RBM25: variants seen among roughly 807,000 people sequenced by gnomAD.
RBM25 encodes RNA binding motif protein 25, also known as RNA-binding protein 25.
In RBM25, 19 loss-of-function variants were observed where a neutral mutation model predicts 120.7. The ratio of observed to expected loss-of-function variants is 0.16; its 90% CI spans 0.11 to 0.23. The LOEUF (loss-of-function observed/expected upper bound fraction) is 0.23. Ranked by LOEUF, RBM25 falls within the 10% of genes least tolerant of loss-of-function variation. The pLI is 1.00. For synonymous variants in RBM25, 390 were observed against 326.7 expected (o/e 1.19, Z -2.09); for missense variants, 605 against 1,041.5 (o/e 0.58, Z 5.77).
intron 6 of RBM25, among the ~76,000 whole-genome samples, chr14:73,092,071 G>A (rs1895829546): frequency 6.6e-6 from 1 of 151,968 alleles, no homozygotes; most frequent in Admixed American, 6.6e-5. Context: ...TTCCTTAAGT[G>A]TCAATATTAC....
rs1896509396 is a variant in RBM25 at position 73,119,866 on chromosome 14, G to C, written c.*61G>C. The C allele has an allele frequency of 3.3e-6, 5 of 1,536,890 alleles. No homozygotes were observed. The highest frequency in any genetic ancestry group is 4.3e-6 in the Non-Finnish European group (5 of 1,153,352). ...TCTTTGCCACCCTTTTAAGGACTTTGAATTTTTCTTTGTCTTTGAAGACAT... is the reference window on the plus strand; with the variant it reads ...TCTTTGCCACCCTTTTAAGGACTTTCAATTTTTCTTTGTCTTTGAAGACAT... On this transcript the variant is annotated 3_prime_UTR_variant, in exon 19 of 19. Coordinates refer to ENST00000261973, the MANE Select transcript of RBM25 (RefSeq NM_021239.3).
chr14:73,097,144 TTA>T (rs773734226), intron 7 of RBM25, 44 bp downstream of exon 7: 2 of 1,440,822 alleles, frequency 1.4e-6, no homozygotes, highest in East Asian at 5.0e-5. Context: ...CGTTTGTTTT[TTA>T]TGATATCACT....
intron 4 of RBM25, among the ~76,000 whole-genome samples, chr14:73,080,254 T>C (rs74642282): frequency 0.017 from 2,198 of 127,732 alleles, 92 homozygotes; most frequent in Non-Finnish European, 0.029. Flanking sequence ...GATGGAGTCT[T>C]GCTCTGTCGC....
intron 2 of RBM25, among the ~76,000 whole-genome samples, chr14:73,074,130 A>T (rs1480846522): frequency 6.6e-6 from 1 of 152,334 alleles, no homozygotes; most frequent in South Asian, 2.1e-4. Context: ...AACAACTTTC[A>T]TTTGGGCTTC....
Position 73,076,376 on chromosome 14 carries a change from T to A in RBM25, c.156+8T>A. 3 of 1,605,650 alleles carry A rather than the reference T, an allele frequency of 1.9e-6. No individual in the cohort carries two copies. Among genetic ancestry groups the A allele is most frequent in the Non-Finnish European group, 2.6e-6 (3 of 1,172,408 alleles). On this transcript the variant is annotated splice_region_variant and intron_variant, in intron 3 of 18. Coordinates refer to ENST00000261973, the MANE Select transcript of RBM25 (RefSeq NM_021239.3). Reference sequence around the variant, plus strand: ...ATGGCTCCTGCTCCAACTGTAAGTATAACTTAAAGGAGGAATCATGAGTTA... The same window carrying A: ...ATGGCTCCTGCTCCAACTGTAAGTAAAACTTAAAGGAGGAATCATGAGTTA...
At chr14:73,101,512 G>GTATATATA (rs34658210) in intron 9 of RBM25, 2 of 137,466 alleles carry the variant, frequency 1.5e-5, no homozygotes, top group Admixed American at 1.4e-4. Context: ...ATACATGTGT[G>GTATATATA]TATATATATA....
At chr14:73,092,404 A>G (rs1255684073) in intron 6 of RBM25, among the ~76,000 whole-genome samples, 1 of 152,064 alleles carries the variant, frequency 6.6e-6, no homozygotes, top group African/African-American at 2.4e-5. Context: ...TAAGTAGAGG[A>G]TAGGAGAATG....
chr14:73,061,112 T>TCA (rs1245680464), intron 1 of RBM25, among the ~76,000 whole-genome samples: 8 of 150,232 alleles, frequency 5.3e-5, no homozygotes, highest in African/African-American at 1.7e-4. Flanking sequence ...GGCTGGAGTG[T>TCA]AGTGGCGCGA....
chr14:73,072,281 A>G (rs1035610079), intron 2 of RBM25, among the ~76,000 whole-genome samples: 2 of 152,188 alleles, frequency 1.3e-5, no homozygotes, highest in East Asian at 1.9e-4. Flanking sequence ...TAAAAATTCT[A>G]TATTTAAAAA....
Position 73,098,892 on chromosome 14 carries a change from C to T in RBM25, c.730-488C>T, listed in dbSNP as rs144395602. ...CTGCTGACCTCGTGATCCGCGTGAG[C>T]CACCGTGCCCGACCCATAACTTTTC... On this transcript the variant is annotated intron_variant, in intron 7 of 18. Transcript: ENST00000261973. Among the ~76,000 whole-genome samples, 1,493 of 152,240 alleles carry T rather than the reference C, an allele frequency of 9.8e-3. 17 individuals carry two copies. The highest frequency in any genetic ancestry group is 0.041 in the Middle Eastern group (12 of 292).
intron 1 of RBM25, chr14:73,068,204 C>T: frequency 2.3e-6 from 2 of 867,654 alleles, no homozygotes; most frequent in South Asian, 2.6e-5. Flanking sequence ...TGTTTTGGAA[C>T]AAATGTTTCC....
intron 2 of RBM25, among the ~76,000 whole-genome samples, chr14:73,072,725 G>T (rs78074581): frequency 0.012 from 1,805 of 152,274 alleles, 20 homozygotes; most frequent in Middle Eastern, 0.037. Context: ...TGAGGTGGGA[G>T]GATGGCCTGA....
intron 4 of RBM25, among the ~76,000 whole-genome samples, chr14:73,082,296 T>G (rs1359278954): frequency 2.0e-5 from 3 of 152,156 alleles, no homozygotes; most frequent in African/African-American, 7.2e-5. Flanking sequence ...GGAACTTTAT[T>G]TTATTTTTCT....
chr14:73,103,679 A>G (rs141012142), intron 10 of RBM25, among the ~76,000 whole-genome samples: 1 of 152,042 alleles, frequency 6.6e-6, no homozygotes, highest in African/African-American at 2.4e-5. Flanking sequence ...CAGCCTCCCA[A>G]GTAGCTGGGA....
intron 13 of RBM25, 89 bp from the exon 14 acceptor site, chr14:73,109,253 A>G: frequency 2.9e-6 from 4 of 1,367,118 alleles, no homozygotes; most frequent in Non-Finnish European, 4.0e-6. Context: ...GCAGGTTGTA[A>G]TGTTGAAAAG....
rs111469510 is a variant in RBM25 at position 73,119,334 on chromosome 14, G to A, written c.2440-379G>A. Among the ~76,000 whole-genome samples the A allele has an allele frequency of 5.1e-3, 772 of 151,760 alleles. 5 individuals are homozygous for A. The highest frequency in any genetic ancestry group is 0.017 in the African/African-American group (703 of 41,342). On this transcript the variant is annotated intron_variant, in intron 18 of 18. Transcript: ENST00000261973. ...GTTGCTCAGGCTGGAGTGCAGTGGC[G>A]CGATCTTGGCAAGCTCCGCCTCCTG...
chr14:73,097,824 A>G (rs1895982044), intron 7 of RBM25, among the ~76,000 whole-genome samples: 1 of 152,240 alleles, frequency 6.6e-6, no homozygotes, highest in Non-Finnish European at 1.5e-5. Context: ...AGAGCAGTAC[A>G]ACTTGAAACA....
At chr14:73,117,209 T>TC (rs1896450920) in intron 18 of RBM25, among the ~76,000 whole-genome samples, 1 of 112,904 alleles carries the variant, frequency 8.9e-6, no homozygotes, top group Admixed American at 1.1e-4. Flanking sequence ...TTTCTTCTTT[T>TC]CTTTTTTTTT....
At position 73,114,275 on chromosome 14, in the gene RBM25, TTC is replaced by T. The variant is rs2140465135; in HGVS notation, c.2392-7_2392-6del. On this transcript the variant is annotated splice_polypyrimidine_tract_variant and intron_variant, in intron 17 of 18. Transcript: ENST00000261973. ...TTTATTTTTAATGTGACAATTATTT[TTC>T]TCTTTTAGGTTATGGCTCATAGTTC... The T allele has an allele frequency of 1.3e-6, 2 of 1,520,520 alleles. No individual in the cohort carries two copies. Among genetic ancestry groups the T allele is most frequent in the Non-Finnish European group, 8.8e-7 (1 of 1,131,626 alleles). The allele number at this position is 1,520,520 out of a possible 1,614,324, so 94.2% of individuals were successfully genotyped here. A position where few individuals can be genotyped will look rare whatever the true frequency, so the allele number is the denominator to read the frequency against.
Sources: gnomAD v4.1 joint callset for allele counts (sites outside exome capture counted in the v4.1 genomes callset) on GRCh38, gnomAD v4.1.1 for gene constraint, MANE v1.5 for transcripts, NCBI Gene and HGNC (gene_info 2026-07-23, HGNC 2026-07-21) for gene names.